The following ADAMTS17 variants were observed in gnomAD, a reference collection of about 807,000 sequenced individuals.
ADAMTS17 encodes A disintegrin and metalloproteinase with thrombospondin motifs 17.
Under a neutral mutation model 141.5 loss-of-function variants are expected in ADAMTS17, and 113 were observed. The ratio of observed to expected loss-of-function variants is 0.80; its 90% CI spans 0.69 to 0.93. The LOEUF (loss-of-function observed/expected upper bound fraction) is 0.93, where lower values mean the gene tolerates loss of function less well. Among genes scored for constraint, ADAMTS17 ranks in the 40% least tolerant of loss-of-function variants. The pLI is 0.00. For missense variants in ADAMTS17, 1,659 were observed against 1,517.9 expected (o/e 1.09, Z -1.54); for synonymous variants, 768 against 630.6 (o/e 1.22, Z -3.27).
At chr15:100,027,436 G>A (rs1176737642) in intron 18 of ADAMTS17, among the ~76,000 whole-genome samples, 3 of 152,188 alleles carry the variant, frequency 2.0e-5, no homozygotes, top group Non-Finnish European at 4.4e-5. Context: ...GCTGACCCTA[G>A]TCATCTCTTG....
chr15:100,249,806 T>G (rs1340784944), intron 7 of ADAMTS17, among the ~76,000 whole-genome samples: 1 of 152,228 alleles, frequency 6.6e-6, no homozygotes, highest in Non-Finnish European at 1.5e-5. Flanking sequence ...TTCCAATGCT[T>G]CATTCAAACT....
At chr15:100,109,762 C>T (rs549197912) in intron 13 of ADAMTS17, among the ~76,000 whole-genome samples, 1 of 152,238 alleles carries the variant, frequency 6.6e-6, no homozygotes, top group African/African-American at 2.4e-5. Flanking sequence ...CATGACCTCC[C>T]AGAACGCGCC....
In ADAMTS17 at chr15:100,282,560, G is replaced by A. The variant is rs151301502; in HGVS notation, c.617-1159C>T. ...ATACTGTACTAAAAGTTATGTGAAT[G>A]AGGTCTCTCTCTCAAAATCGCTCAT... On this transcript the variant is annotated intron_variant, in intron 3 of 21. Transcript: ENST00000268070. Among the ~76,000 whole-genome samples, 59 of 152,328 alleles carry A rather than the reference G, an allele frequency of 3.9e-4. 1 individual carries two copies. The East Asian group carries it at 0.01, about 26-fold the overall frequency.
chr15:100,194,873 C>T (rs1369881823), intron 8 of ADAMTS17, among the ~76,000 whole-genome samples: 1 of 152,148 alleles, frequency 6.6e-6, no homozygotes, highest in Non-Finnish European at 1.5e-5. Context: ...GTAAAAGATG[C>T]CTGTTGTAGC....
intron 15 of ADAMTS17, among the ~76,000 whole-genome samples, chr15:100,083,002 T>C (rs983450984): frequency 1.3e-5 from 2 of 152,202 alleles, no homozygotes; most frequent in African/African-American, 4.8e-5. Context: ...CTAGAGCTGC[T>C]GTGTTATGGT....
chr15:100,114,309 G>A (rs1448999026), intron 13 of ADAMTS17, among the ~76,000 whole-genome samples: 3 of 152,092 alleles, frequency 2.0e-5, no homozygotes, highest in Non-Finnish European at 4.4e-5. Flanking sequence ...AGAAGAGCCC[G>A]GAGCCCAACC....
chr15:100,334,054 GTGAGT>G (rs1228395486), intron 2 of ADAMTS17, among the ~76,000 whole-genome samples: 1 of 152,186 alleles, frequency 6.6e-6, no homozygotes, highest in Non-Finnish European at 1.5e-5. Context: ...TTCAGCAGTT[GTGAGT>G]GGTTACCTTT....
At chr15:100,235,551 T>G (rs543205490) in intron 7 of ADAMTS17, among the ~76,000 whole-genome samples, 3 of 152,170 alleles carry the variant, frequency 2.0e-5, no homozygotes, top group African/African-American at 7.2e-5. Context: ...ACATCACAGA[T>G]GCTCGGCATC....
chr15:100,227,153 G>C (rs953023278), intron 7 of ADAMTS17, among the ~76,000 whole-genome samples: 1 of 151,988 alleles, frequency 6.6e-6, no homozygotes, highest in African/African-American at 2.4e-5. Context: ...GCCAGATCTC[G>C]CTGTTCAAAT....
chr15:100,332,335 C>CTG (rs2046078163), intron 2 of ADAMTS17, among the ~76,000 whole-genome samples: 1 of 152,238 alleles, frequency 6.6e-6, no homozygotes, highest in South Asian at 2.1e-4. Context: ...TCCATCACAG[C>CTG]TGTGCGCGAT....
At chr15:100,182,152 T>C (rs796463822) in intron 8 of ADAMTS17, among the ~76,000 whole-genome samples, 4 of 152,324 alleles carry the variant, frequency 2.6e-5, no homozygotes, top group African/African-American at 9.6e-5. Context: ...AGATTTAACA[T>C]GTGGACTCAC....
At chr15:100,014,939 G>A (rs2061258149) in intron 18 of ADAMTS17, among the ~76,000 whole-genome samples, 1 of 152,148 alleles carries the variant, frequency 6.6e-6, no homozygotes, top group Non-Finnish European at 1.5e-5. Flanking sequence ...TTGATGAACT[G>A]TCTAGTGCTA....
chr15:100,169,652 AAAG>A (rs1399615219), intron 8 of ADAMTS17, among the ~76,000 whole-genome samples: 1 of 152,196 alleles, frequency 6.6e-6, no homozygotes, highest in Non-Finnish European at 1.5e-5. Flanking sequence ...AATCGAGAGC[AAAG>A]AACCGGCACC....
chr15:100,157,571 G>A (rs370130845), intron 8 of ADAMTS17, among the ~76,000 whole-genome samples: 3 of 152,138 alleles, frequency 2.0e-5, no homozygotes, highest in African/African-American at 7.2e-5. Context: ...GAGGCCCACA[G>A]GCTCTTCCAA....
At chr15:100,006,701 G>T (rs1023548009) in intron 18 of ADAMTS17, among the ~76,000 whole-genome samples, 2 of 152,216 alleles carry the variant, frequency 1.3e-5, no homozygotes, top group Admixed American at 6.5e-5. Context: ...GAAGGCGCTG[G>T]TATCGACTGA....
At chr15:100,188,268 G>A (rs2040792509) in intron 8 of ADAMTS17, among the ~76,000 whole-genome samples, 1 of 151,900 alleles carries the variant, frequency 6.6e-6, no homozygotes. Context: ...GTAGAGACGG[G>A]GTTTCTCCAT....
chr15:100,206,813 G>A (rs2141686747), intron 7 of ADAMTS17, among the ~76,000 whole-genome samples: 1 of 152,316 alleles, frequency 6.6e-6, no homozygotes, highest in South Asian at 2.1e-4. Context: ...GCACATTCCT[G>A]ACTCAGCCTT....
At chr15:99,994,765 C>T (rs1167053118) in intron 19 of ADAMTS17, among the ~76,000 whole-genome samples, 2 of 152,146 alleles carry the variant, frequency 1.3e-5, no homozygotes, top group Non-Finnish European at 2.9e-5. Flanking sequence ...CAGGGTTTCA[C>T]CATGTTAGCC....
intron 15 of ADAMTS17, among the ~76,000 whole-genome samples, chr15:100,089,430 C>T (rs1450207692): frequency 6.7e-6 from 1 of 150,060 alleles, no homozygotes. Context: ...GTGGCGATTC[C>T]TCAGGGATCT....
Sources: allele counts gnomAD v4.1 joint callset (sites outside exome capture counted in the v4.1 genomes callset), GRCh38; gene constraint gnomAD v4.1.1; transcripts MANE v1.5; gene names NCBI Gene and HGNC (gene_info 2026-07-23, HGNC 2026-07-21).